Variants in PLEKHM1 observed in about 807,000 individuals in gnomAD.
PLEKHM1 encodes pleckstrin homology domain-containing family M member 1.
PLEKHM1 carries 28 observed loss-of-function variants against 94.3 expected under a neutral mutation model. The ratio of observed to expected loss-of-function variants is 0.30; its 90% CI spans 0.22 to 0.41. PLEKHM1 has a LOEUF of 0.41. Ranked by LOEUF, PLEKHM1 falls within the 10% of genes least tolerant of loss-of-function variation. PLEKHM1 has a pLI of 1.00. For missense variants in PLEKHM1, 907 were observed against 1,358.6 expected (o/e 0.67, Z 5.22); for synonymous variants, 424 against 581.2 (o/e 0.73, Z 3.89).
chr17:45,440,607 C>G (rs562229065), intron 9 of PLEKHM1, among the ~76,000 whole-genome samples: 5 of 152,228 alleles, frequency 3.3e-5, no homozygotes, highest in Non-Finnish European at 7.3e-5. Flanking sequence ...GAGCTTCATA[C>G]GCATTCATTC....
In PLEKHM1 at chr17:45,453,230, C is replaced by T. The variant is rs563746872; in HGVS notation, c.2497+125G>A. On this transcript the variant is annotated intron_variant, in intron 7 of 11. Transcript: ENST00000430334. This position sits in a 1 kb window ranked among gnomAD's most constrained non-coding sequence, Gnocchi z 4.1. ...CTGTAGGGCAAGCCTGATCTGTGGC[C>T]TCATCCCTAGGGGAAGGATGGGGGC... 1.3e-6 allele frequency: 1 copy of T among 755,020 alleles called. No individual in the cohort carries two copies. The highest frequency in any genetic ancestry group is 1.5e-5 in the South Asian group (1 of 67,284). The allele number at this position is 755,020 out of a possible 1,614,324, so 46.8% of individuals were successfully genotyped here. A position where few individuals can be genotyped will look rare whatever the true frequency, so the allele number is the denominator to read the frequency against.
chr17:45,466,915 C>G (rs1303629507), intron 5 of PLEKHM1, among the ~76,000 whole-genome samples: 1 of 152,170 alleles, frequency 6.6e-6, no homozygotes, highest in East Asian at 1.9e-4. Flanking sequence ...CACCGAGGTT[C>G]TCCAAAAGCA....
At chr17:45,470,560 G>A (rs1243527168) in intron 4 of PLEKHM1, among the ~76,000 whole-genome samples, 2 of 151,060 alleles carry the variant, frequency 1.3e-5, no homozygotes, top group Non-Finnish European at 3.0e-5. Flanking sequence ...ACCCGGGACG[G>A]GGAGGCTGCA....
chr17:45,453,493 C>G lies in PLEKHM1; in HGVS notation c.2359G>C (p.Val787Leu). Residue 787 changes from valine (V) to leucine (L), a missense_variant, in exon 7 of 12, where the codon GTG becomes CTG. Val to Leu is a conservative substitution (Grantham distance 32, BLOSUM62 1). Coordinates refer to ENST00000430334, the MANE Select transcript of PLEKHM1 (RefSeq NM_014798.3). This position sits in a 1 kb window ranked among gnomAD's most constrained non-coding sequence, Gnocchi z 4.1. ...TCATCCAGGCTCCCGCCCAGGGTCA[C>G]CGCCTCCTCGGCTGTCTCCAAGTAG... Reference protein sequence around the residue: ...ASYLETAEEAVTLGGSLDENC... With the variant: ...ASYLETAEEALTLGGSLDENC... 6.2e-7 allele frequency: 1 copy of G among 1,609,208 alleles called. No homozygotes were observed. Among genetic ancestry groups the G allele is most frequent in the South Asian group, 1.1e-5 (1 of 90,330 alleles).
chr17:45,443,026 A>T (rs1483296280), intron 9 of PLEKHM1, among the ~76,000 whole-genome samples: 1 of 152,202 alleles, frequency 6.6e-6, no homozygotes. Flanking sequence ...GTGTGGATGG[A>T]GTGAGGTGCA....
chr17:45,453,847 C>T lies in PLEKHM1; in HGVS notation c.2005G>A (p.Gly669Ser), dbSNP rs2050854828. The change falls in exon 7 of 12, where the codon GGC becomes AGC. Residue 669 changes from glycine (G) to serine (S), a missense_variant. Around this residue, in one of 3 missense-constraint regions of PLEKHM1, gnomAD observed 477 missense variants for 601.5 expected, o/e 0.79. Transcript: ENST00000430334. This position sits in a 1 kb window ranked among gnomAD's most constrained non-coding sequence, Gnocchi z 4.1. ...DLLSEPAALQ[G>S]TQFDWSSAQV... ...GCGGACGACCAGTCAAACTGTGTGC[C>T]CTGGAGGGCCGCGGGCTCCGAGAGC... 2.5e-6 allele frequency: 4 copies of T among 1,613,966 alleles called. No individual in the cohort carries two copies. Among genetic ancestry groups the T allele is most frequent in the Non-Finnish European group, 3.4e-6 (4 of 1,179,874 alleles).
rs1266097968 is a variant in PLEKHM1 at position 45,437,694 on chromosome 17, C to T, written c.*164G>A. The T allele has an allele frequency of 8.4e-6, 6 of 710,556 alleles. No homozygotes were observed. In the African/African-American group the frequency reaches 8.7e-5, roughly 10 times the overall value. 44.0% of individuals were successfully genotyped at this position (710,556 alleles called of 1,614,324 possible). A position where few individuals can be genotyped will look rare whatever the true frequency, so the allele number is the denominator to read the frequency against. On this transcript the variant is annotated 3_prime_UTR_variant, in exon 12 of 12. Transcript: ENST00000430334. The surrounding 1 kb of genome is among the most constrained non-coding windows in gnomAD (Gnocchi z 4.0). ...GGCCAGGGGACACCACGGGGACTTC[C>T]TGGGCTTTCTCTGGGAGGCCGGTGC...
rs1357453587 is a variant in PLEKHM1 at position 45,439,458 on chromosome 17, G to T, written c.3059+19C>A. ...GGAAGGGTGGGGCTGGAAGGCGGCTGGCTGGGTGTCCCGCATACCTGACTG... is the reference window on the plus strand; with the variant it reads ...GGAAGGGTGGGGCTGGAAGGCGGCTTGCTGGGTGTCCCGCATACCTGACTG... On this transcript the variant is annotated intron_variant, in intron 11 of 11. Coordinates refer to ENST00000430334, the MANE Select transcript of PLEKHM1 (RefSeq NM_014798.3). 1.2e-5 allele frequency: 19 copies of T among 1,613,892 alleles called. No homozygotes were observed. Among genetic ancestry groups the T allele is most frequent in the Non-Finnish European group, 1.6e-5 (19 of 1,179,948 alleles).
At chr17:45,486,041 C>A (rs1167744071) in intron 1 of PLEKHM1, among the ~76,000 whole-genome samples, 1 of 147,956 alleles carries the variant, frequency 6.8e-6, no homozygotes, top group Non-Finnish European at 1.5e-5. Flanking sequence ...ACGGTGAAAC[C>A]CCGTCTCTAC....
At chr17:45,463,077 G>A (rs2051202489) in intron 5 of PLEKHM1, among the ~76,000 whole-genome samples, 2 of 141,306 alleles carry the variant, frequency 1.4e-5, no homozygotes, top group Non-Finnish European at 3.1e-5. Context: ...CAGCACAAGA[G>A]TCTGTGTCAA....
At chr17:45,460,464 A>G (rs1465833235) in intron 5 of PLEKHM1, 1 of 152,232 alleles carries the variant, frequency 6.6e-6, no homozygotes, top group East Asian at 1.9e-4. Context: ...CTTGTCGGCC[A>G]GGCTGGTCTT....
rs1257385861 is a variant in PLEKHM1 at position 45,436,019 on chromosome 17, G to C, written c.*1839C>G. 2.2e-6 allele frequency: 1 copy of C among 456,550 alleles called. No homozygotes were observed. The highest frequency in any genetic ancestry group is 4.4e-6 in the Non-Finnish European group (1 of 226,992). The allele number at this position is 456,550 out of a possible 1,614,324, so 28.3% of individuals were successfully genotyped here. A position where few individuals can be genotyped will look rare whatever the true frequency, so the allele number is the denominator to read the frequency against. Reference sequence around the variant, plus strand: ...CCCTGCTCACTAGGAACAGTGTATTGCATAAAATAACATTTTAAAAATAGT... The same window carrying C: ...CCCTGCTCACTAGGAACAGTGTATTCCATAAAATAACATTTTAAAAATAGT... On this transcript the variant is annotated 3_prime_UTR_variant, in exon 12 of 12. Coordinates refer to ENST00000430334, the MANE Select transcript of PLEKHM1 (RefSeq NM_014798.3).
At position 45,436,127 on chromosome 17, in the gene PLEKHM1, C is replaced by T; in HGVS notation, c.*1731G>A. 1 of 456,316 alleles carries T rather than the reference C, an allele frequency of 2.2e-6. No homozygotes were observed. Among genetic ancestry groups the T allele is most frequent in the Non-Finnish European group, 4.4e-6 (1 of 226,976 alleles). The allele number at this position is 456,316 out of a possible 1,614,324, so 28.3% of individuals were successfully genotyped here. On this transcript the variant is annotated 3_prime_UTR_variant, in exon 12 of 12. Coordinates refer to ENST00000430334, the MANE Select transcript of PLEKHM1 (RefSeq NM_014798.3). ...CTGGCAGCTTCTGGGGAACGGGCCC[C>T]CCAGGGCCTCAAACCTGCTGCCTCC...
intron 2 of PLEKHM1, among the ~76,000 whole-genome samples, chr17:45,479,248 G>A (rs924178905): frequency 9.9e-5 from 15 of 151,888 alleles, no homozygotes; most frequent in Non-Finnish European, 2.2e-4. Flanking sequence ...GGCCGGGCAC[G>A]GTGGCTCACG....
At position 45,480,248 on chromosome 17, in the gene PLEKHM1, C is replaced by T. The variant is rs535865545; in HGVS notation, c.49-2101G>A. On this transcript the variant is annotated intron_variant, in intron 2 of 11. Transcript: ENST00000430334. ...CTATAATCCCAGCACTTCGGGAGGC[C>T]AAGACGAGTGGATCACCTGAGGTCA... Among the ~76,000 whole-genome samples the T allele has an allele frequency of 2.6e-5, 4 of 152,260 alleles. No individual in the cohort carries two copies. In the South Asian group the frequency reaches 8.3e-4, roughly 32 times the overall value.
chr17:45,465,120 A>T (rs1206584697), intron 5 of PLEKHM1, among the ~76,000 whole-genome samples: 1 of 151,924 alleles, frequency 6.6e-6, no homozygotes, highest in Admixed American at 6.6e-5. Flanking sequence ...AGAACTATTC[A>T]TCCATGCCTA....
At chr17:45,473,206 T>C (rs1331323060) in intron 4 of PLEKHM1, among the ~76,000 whole-genome samples, 1 of 152,112 alleles carries the variant, frequency 6.6e-6, no homozygotes, top group Admixed American at 6.5e-5. Flanking sequence ...AGGTTATTTA[T>C]GAAAACACAG....
chr17:45,460,364 A>G (rs577464679), intron 5 of PLEKHM1: 1 of 152,050 alleles, frequency 6.6e-6, no homozygotes, highest in Admixed American at 6.5e-5. Context: ...GGTTCAAGCA[A>G]TTCTGCTGCC....
rs374834070 is a variant in PLEKHM1 at position 45,478,171 on chromosome 17, A to G, written c.49-24T>C. 58 of 1,614,134 alleles carry G rather than the reference A, an allele frequency of 3.6e-5. No homozygotes were observed. The African/African-American group carries it at 7.3e-4, about 20-fold the overall frequency. On this transcript the variant is annotated intron_variant, in intron 2 of 11. Coordinates refer to ENST00000430334, the MANE Select transcript of PLEKHM1 (RefSeq NM_014798.3). Reference sequence around the variant, plus strand: ...ACCTAGGCAGCACCACACAGAACACAGGCCTTTAGCGGAAAATCCTATGGA... The same window carrying G: ...ACCTAGGCAGCACCACACAGAACACGGGCCTTTAGCGGAAAATCCTATGGA...
Sources: allele counts gnomAD v4.1 joint callset (sites outside exome capture counted in the v4.1 genomes callset), GRCh38; gene constraint gnomAD v4.1.1; regional missense constraint gnomAD v4.1.1; non-coding constraint Gnocchi (gnomAD v3.1); transcripts MANE v1.5; gene names NCBI Gene and HGNC (gene_info 2026-07-23, HGNC 2026-07-21).